The following ADGRB3 variants were observed in gnomAD, a reference collection of about 807,000 sequenced individuals.
The protein encoded by ADGRB3 is brain-specific angiogenesis inhibitor 3.
A neutral mutation model predicts 193.4 loss-of-function variants in ADGRB3; 37 were observed. That is an observed-to-expected ratio of 0.19 (90% CI 0.15 to 0.25). The LOEUF is 0.25. Among genes scored for constraint, ADGRB3 ranks in the 10% least tolerant of loss-of-function variants. ADGRB3 has a pLI of 1.00. For missense variants in ADGRB3, 1,637 were observed against 1,852.9 expected (o/e 0.88, Z 2.14); for synonymous variants, 690 against 644.2 (o/e 1.07, Z -1.08).
chr6:69,096,531 C>T (rs950880952), intron 17 of ADGRB3, among the ~76,000 whole-genome samples: 37 of 152,132 alleles, frequency 2.4e-4, no homozygotes, highest in African/African-American at 8.2e-4. Context: ...TTAGCTCCCC[C>T]ATTGTCCTAT....
intron 17 of ADGRB3, among the ~76,000 whole-genome samples, chr6:69,207,247 T>C (rs1317285480): frequency 6.6e-6 from 1 of 151,986 alleles, no homozygotes; most frequent in Non-Finnish European, 1.5e-5. Flanking sequence ...AGCAAAAAAA[T>C]TTGCTAGTGG....
At chr6:68,783,466 C>T (rs960852980) in intron 3 of ADGRB3, among the ~76,000 whole-genome samples, 2 of 151,460 alleles carry the variant, frequency 1.3e-5, no homozygotes, top group Non-Finnish European at 2.9e-5. Context: ...CAACACTACC[C>T]TCAAGTTGAA....
At chr6:68,910,012 A>G (rs781508759) in intron 3 of ADGRB3, among the ~76,000 whole-genome samples, 1 of 152,202 alleles carries the variant, frequency 6.6e-6, no homozygotes, top group Non-Finnish European at 1.5e-5. Context: ...AGTAGTTTAC[A>G]GTCCCACCAA....
chr6:68,773,913 C>T (rs1194580767), intron 3 of ADGRB3, among the ~76,000 whole-genome samples: 1 of 152,014 alleles, frequency 6.6e-6, no homozygotes, highest in African/African-American at 2.4e-5. Context: ...AGAAAGCCTC[C>T]TGGAGAAGCT....
intron 3 of ADGRB3, among the ~76,000 whole-genome samples, chr6:68,903,001 G>A (rs546063786): frequency 2.0e-5 from 3 of 152,184 alleles, no homozygotes; most frequent in Admixed American, 2.0e-4. Context: ...TTGATTACAG[G>A]CATAGACTAT....
intron 6 of ADGRB3, among the ~76,000 whole-genome samples, chr6:68,950,063 C>T (rs908399129): frequency 6.6e-6 from 1 of 151,886 alleles, no homozygotes; most frequent in Admixed American, 6.6e-5. Flanking sequence ...AGGTTGTACT[C>T]TGTTTTTTTA....
intron 3 of ADGRB3, among the ~76,000 whole-genome samples, chr6:68,808,872 AAC>A (rs1767458450): frequency 6.6e-6 from 1 of 152,162 alleles, no homozygotes; most frequent in South Asian, 2.1e-4. Flanking sequence ...GTAAAAGAGT[AAC>A]ACTGCGTGTT....
Position 68,946,210 on chromosome 6 carries a change from A to G in ADGRB3, c.1195+2216A>G, listed in dbSNP as rs3798968. 3.0e-4 allele frequency among the ~76,000 whole-genome samples: 45 copies of G among 152,194 alleles called. No homozygotes were observed. In the East Asian group the frequency reaches 6.8e-3, roughly 23 times the overall value. On this transcript the variant is annotated intron_variant, in intron 6 of 31. Transcript: ENST00000370598. ...ATAACTAGGATTTTTTTAAGTTTCC[A>G]GGCTGTGCCAAAAAAATCGACGTTA...
intron 3 of ADGRB3, among the ~76,000 whole-genome samples, chr6:68,762,532 A>G (rs752555318): frequency 2.1e-4 from 32 of 152,060 alleles, no homozygotes; most frequent in Non-Finnish European, 4.0e-4. Flanking sequence ...GACCAAATAA[A>G]TTAGTGAAAC....
intron 3 of ADGRB3, among the ~76,000 whole-genome samples, chr6:68,754,422 A>G (rs1766261475): frequency 1.3e-5 from 2 of 152,220 alleles, no homozygotes; most frequent in South Asian, 2.1e-4. Context: ...GTTTACTATC[A>G]TAACATGCTG....
At chr6:68,832,599 T>A (rs1767976433) in intron 3 of ADGRB3, among the ~76,000 whole-genome samples, 1 of 152,182 alleles carries the variant, frequency 6.6e-6, no homozygotes, top group Non-Finnish European at 1.5e-5. Flanking sequence ...GTATCTTTTT[T>A]ATCTAATTTT....
intron 3 of ADGRB3, among the ~76,000 whole-genome samples, chr6:68,671,767 A>T (rs1484223306): frequency 1.3e-5 from 2 of 151,962 alleles, no homozygotes; most frequent in African/African-American, 4.8e-5. Flanking sequence ...CATTAGGGTA[A>T]TACTGGCCAC....
At chr6:68,861,175 G>A (rs1167989092) in intron 3 of ADGRB3, among the ~76,000 whole-genome samples, 2 of 152,126 alleles carry the variant, frequency 1.3e-5, no homozygotes, top group Non-Finnish European at 2.9e-5. Flanking sequence ...ATTATCCTCA[G>A]TTTGCAGATA....
chr6:68,831,251 A>G (rs545276817), intron 3 of ADGRB3, among the ~76,000 whole-genome samples: 1 of 151,182 alleles, frequency 6.6e-6, no homozygotes, highest in East Asian at 2.0e-4. Context: ...GAAGAGCCCA[A>G]GGCTACTCAC....
rs575379289 is a variant in ADGRB3, at chr6:69,018,432, T to C, written c.2040T>C (p.Asp680=). ...TAGAGTTAATGCAGGTGATTGAAGA[T>C]TTTATACACATTGTTGGAATGGGGA... is the stretch of plus-strand genomic sequence containing the variant. ...GSIELMQVIE[D]FIHIVGMGMM... The change falls in exon 13 of 32, where the codon GAT becomes GAC. Residue 680 remains aspartate, a synonymous_variant. Coordinates refer to ENST00000370598, the MANE Select transcript of ADGRB3 (RefSeq NM_001704.3). The C allele has an allele frequency of 8.3e-5, 134 of 1,609,192 alleles. 1 individual carries two copies. In the South Asian group the frequency reaches 1.4e-3, roughly 17 times the overall value.
intron 3 of ADGRB3, among the ~76,000 whole-genome samples, chr6:68,654,153 T>C (rs1365470045): frequency 6.6e-6 from 1 of 152,062 alleles, no homozygotes; most frequent in Non-Finnish European, 1.5e-5. Flanking sequence ...GTAACAATAA[T>C]TAACATCCCC....
chr6:69,105,824 C>T (rs915615320), intron 17 of ADGRB3, among the ~76,000 whole-genome samples: 1 of 152,080 alleles, frequency 6.6e-6, no homozygotes, highest in African/African-American at 2.4e-5. Flanking sequence ...ATCCAGTTAC[C>T]TTGTTGAATG....
intron 8 of ADGRB3, among the ~76,000 whole-genome samples, chr6:68,972,651 C>T (rs1359126455): frequency 6.8e-6 from 1 of 147,428 alleles, no homozygotes; most frequent in African/African-American, 2.4e-5. Context: ...CAAATGTGTC[C>T]ATGCATGTAA....
At chr6:69,133,587 A>G (rs1774071209) in intron 17 of ADGRB3, among the ~76,000 whole-genome samples, 1 of 152,122 alleles carries the variant, frequency 6.6e-6, no homozygotes, top group South Asian at 2.1e-4. Context: ...CAAACAATAG[A>G]AACATAGGGA....
Sources: allele counts gnomAD v4.1 joint callset (sites outside exome capture counted in the v4.1 genomes callset), GRCh38; gene constraint gnomAD v4.1.1; transcripts MANE v1.5; gene names NCBI Gene and HGNC (gene_info 2026-07-23, HGNC 2026-07-21).